Variants in GNB1L observed in about 807,000 individuals in gnomAD.
The protein encoded by GNB1L is G protein subunit beta 1 like, also known as guanine nucleotide-binding protein subunit beta-like protein 1.
A neutral mutation model predicts 29.1 loss-of-function variants in GNB1L; 20 were observed. The ratio of observed to expected loss-of-function variants is 0.69; its 90% confidence interval spans 0.48 to 1.00. The LOEUF (loss-of-function observed/expected upper bound fraction) is 1.00, where lower values mean the gene tolerates loss of function less well. Among genes scored for constraint, GNB1L ranks in the 50% least tolerant of loss-of-function variants. GNB1L has a pLI of 0.00. For synonymous variants in GNB1L, 193 were observed against 206.5 expected (o/e 0.93, Z 0.56); for missense variants, 421 against 464.9 (o/e 0.91, Z 0.87).
Position 19,845,813 on chromosome 22 carries a change from C to T in GNB1L, c.-21+8630G>A, listed in dbSNP as rs571510127. ...GAGTGTGAACACTGCTGGGGCTGGG[C>T]AAGGGCCATGACACCATCCTCGCTG... On this transcript the variant is annotated intron_variant, in intron 2 of 7. Coordinates refer to ENST00000329517, the MANE Select transcript of GNB1L (RefSeq NM_053004.3). Among the ~76,000 whole-genome samples, 5 of 152,348 alleles carry T rather than the reference C, an allele frequency of 3.3e-5. No homozygotes were observed. The East Asian group carries it at 9.6e-4, about 29-fold the overall frequency.
chr22:19,848,842 C>T (rs1938026749), intron 2 of GNB1L: 1 of 985,378 alleles, frequency 1.0e-6, no homozygotes, highest in Non-Finnish European at 1.2e-6. Context: ...CACTTCAGGT[C>T]CACTAAAGGG....
intron 7 of GNB1L, among the ~76,000 whole-genome samples, chr22:19,795,282 A>T (rs1937293529): frequency 6.6e-6 from 1 of 152,206 alleles, no homozygotes. Context: ...GGCAGAGACA[A>T]AGAAACAGGC....
At chr22:19,829,378 A>T (rs905061093) in intron 2 of GNB1L, among the ~76,000 whole-genome samples, 1 of 152,214 alleles carries the variant, frequency 6.6e-6, no homozygotes, top group African/African-American at 2.4e-5. Flanking sequence ...AAATTCCATG[A>T]CCACAGTGCA....
rs1051560227 is a variant in GNB1L at position 19,792,548 on chromosome 22, G to A, written c.733-3588C>T. 7 of 1,554,400 alleles carry A rather than the reference G, an allele frequency of 4.5e-6. No homozygotes were observed. In the African/African-American group the frequency reaches 8.1e-5, roughly 18 times the overall value. Reference sequence around the variant, plus strand: ...CTCCTGCAATTAACCAGTTCACCTAGGCCCTGGACTGCCAAACAGCTACTC... The same window carrying A: ...CTCCTGCAATTAACCAGTTCACCTAAGCCCTGGACTGCCAAACAGCTACTC... On this transcript the variant is annotated intron_variant, in intron 7 of 7. Coordinates refer to ENST00000329517, the MANE Select transcript of GNB1L (RefSeq NM_053004.3).
chr22:19,839,133 A>T (rs1209857185), intron 2 of GNB1L, among the ~76,000 whole-genome samples: 1 of 152,134 alleles, frequency 6.6e-6, no homozygotes, highest in Admixed American at 6.6e-5. Flanking sequence ...GATCAGAAGG[A>T]GGGGGAGGGG....
At chr22:19,833,377 GA>G (rs531624837) in intron 2 of GNB1L, among the ~76,000 whole-genome samples, 2 of 152,116 alleles carry the variant, frequency 1.3e-5, no homozygotes, top group African/African-American at 4.8e-5. Context: ...AATAATATCT[GA>G]AAAAAATCAA....
chr22:19,821,489 T>A, intron 2 of GNB1L, 114 bp from the exon 3 acceptor site: 1 of 1,055,230 alleles, frequency 9.5e-7, no homozygotes, highest in East Asian at 2.5e-5. Flanking sequence ...TCTCTGGCCC[T>A]GTGCCCCTCC....
intron 4 of GNB1L, among the ~76,000 whole-genome samples, chr22:19,819,783 G>A (rs1221005603): frequency 6.6e-6 from 1 of 152,196 alleles, no homozygotes; most frequent in Non-Finnish European, 1.5e-5. Flanking sequence ...GGGCCCTGAG[G>A]GAGGAGACTG....
At chr22:19,806,205 C>T (rs1937432164) in intron 6 of GNB1L, among the ~76,000 whole-genome samples, 1 of 152,234 alleles carries the variant, frequency 6.6e-6, no homozygotes, top group African/African-American at 2.4e-5. Context: ...GTGTTAAGTC[C>T]ACTCCTGCCT....
chr22:19,822,401 G>A (rs1442400354), intron 2 of GNB1L, among the ~76,000 whole-genome samples: 4 of 152,142 alleles, frequency 2.6e-5, no homozygotes, highest in Non-Finnish European at 4.4e-5. Flanking sequence ...GGTCCGTGCC[G>A]AGCCCTTCCA....
intron 2 of GNB1L, among the ~76,000 whole-genome samples, chr22:19,841,894 T>C (rs1315386745): frequency 3.9e-5 from 6 of 152,172 alleles, no homozygotes; most frequent in Admixed American, 3.3e-4. Flanking sequence ...GCCCACCTAA[T>C]TTCTCTATGA....
At chr22:19,839,269 T>C (rs1937816942) in intron 2 of GNB1L, among the ~76,000 whole-genome samples, 1 of 152,018 alleles carries the variant, frequency 6.6e-6, no homozygotes, top group Non-Finnish European at 1.5e-5. Flanking sequence ...ATAATAAAGA[T>C]AATAACAATA....
intron 7 of GNB1L, among the ~76,000 whole-genome samples, chr22:19,800,805 C>T (rs1937361041): frequency 6.6e-6 from 1 of 152,226 alleles, no homozygotes; most frequent in African/African-American, 2.4e-5. Context: ...TCACAGAACC[C>T]TGCCCCTCTG....
intron 2 of GNB1L, among the ~76,000 whole-genome samples, chr22:19,837,662 T>C (rs117555220): frequency 9.5e-4 from 144 of 152,366 alleles, no homozygotes; most frequent in Non-Finnish European, 1.9e-3. Context: ...GTACAACCCC[T>C]TGGGAACAAA....
At chr22:19,850,943 A>T (rs1938079553) in intron 2 of GNB1L, 1 of 1,371,610 alleles carries the variant, frequency 7.3e-7, no homozygotes, top group African/African-American at 1.5e-5. Flanking sequence ...GATGCAGCAG[A>T]GAGCCAGCAG....
chr22:19,798,401 G>T (rs1177556059), intron 7 of GNB1L, among the ~76,000 whole-genome samples: 1 of 151,258 alleles, frequency 6.6e-6, no homozygotes, highest in Non-Finnish European at 1.5e-5. Context: ...CTAAGTCAGT[G>T]GTAGAGAGGG....
At position 19,829,235 on chromosome 22, in the gene GNB1L, T is replaced by C. The variant is rs1335579453; in HGVS notation, c.-20-7860A>G. ...CAAGGTAGATACTACAGATCTATAA[T>C]GGAACTTTACACTCTCATAACAGAG... On this transcript the variant is annotated intron_variant, in intron 2 of 7. Transcript: ENST00000329517. Among the ~76,000 whole-genome samples the C allele has an allele frequency of 2.6e-5, 4 of 152,232 alleles. No individual in the cohort carries two copies. The East Asian group carries it at 5.8e-4, about 22-fold the overall frequency.
chr22:19,848,732 A>T (rs1055109442), intron 2 of GNB1L: 5 of 985,320 alleles, frequency 5.1e-6, no homozygotes, highest in Non-Finnish European at 4.8e-6. Flanking sequence ...CATAACTCAC[A>T]CACCCCCAGG....
chr22:19,842,629 T>C (rs1324636270), intron 2 of GNB1L, among the ~76,000 whole-genome samples: 1 of 152,220 alleles, frequency 6.6e-6, no homozygotes, highest in African/African-American at 2.4e-5. Context: ...AAAGCTGCAC[T>C]CTAGCTGCAA....
Sources: gnomAD v4.1 joint callset for allele counts (sites outside exome capture counted in the v4.1 genomes callset) on GRCh38, gnomAD v4.1.1 for gene constraint, MANE v1.5 for transcripts, NCBI Gene and HGNC (gene_info 2026-07-23, HGNC 2026-07-21) for gene names.